Variants in TMEM181 observed in about 807,000 individuals in gnomAD.
The protein encoded by TMEM181 is G protein-coupled receptor 178.
A neutral mutation model predicts 71.9 loss-of-function variants in TMEM181; 39 were observed. That is an observed-to-expected ratio of 0.54 (90% CI 0.42 to 0.71). The LOEUF (loss-of-function observed/expected upper bound fraction) is 0.71, where lower values mean the gene tolerates loss of function less well. TMEM181 is among the 30% of genes least tolerant of loss of function. TMEM181 has a pLI of 0.00. For synonymous variants in TMEM181, 245 were observed against 228.8 expected, an observed-to-expected ratio of 1.07 and a Z score of -0.64; for missense variants, 595 against 583.0, an observed-to-expected ratio of 1.02 and a Z score of -0.21.
intron 6 of TMEM181, among the ~76,000 whole-genome samples, chr6:158,595,072 C>T (rs1047291406): frequency 6.6e-6 from 1 of 152,164 alleles, no homozygotes; most frequent in Non-Finnish European, 1.5e-5. Flanking sequence ...GAGTGAAAGC[C>T]ATGGGATGCA....
At chr6:158,626,948 TCACCCTCACTCA>T (rs1335701754) in intron 13 of TMEM181, among the ~76,000 whole-genome samples, 11 of 111,514 alleles carry the variant, frequency 9.9e-5, no homozygotes, top group African/African-American at 1.5e-4. Context: ...ACCCTCACCC[TCACCCTCACTCA>T]CACCCTCTCA....
intron 10 of TMEM181, among the ~76,000 whole-genome samples, chr6:158,622,977 G>A (rs1786050758): frequency 6.6e-6 from 1 of 152,196 alleles, no homozygotes; most frequent in Non-Finnish European, 1.5e-5. Flanking sequence ...GAAGCCTAGT[G>A]TGGTAGCAGC....
chr6:158,576,006 G>T (rs1237745376), intron 2 of TMEM181, among the ~76,000 whole-genome samples: 1 of 152,200 alleles, frequency 6.6e-6, no homozygotes, highest in Non-Finnish European at 1.5e-5. Context: ...CTAAAGAAAT[G>T]CATTGTAAGA....
chr6:158,548,842 G>A (rs1252693812), intron 1 of TMEM181, among the ~76,000 whole-genome samples: 1 of 152,186 alleles, frequency 6.6e-6, no homozygotes, highest in Non-Finnish European at 1.5e-5. Flanking sequence ...AATAAAATAC[G>A]TGTTTCGGTT....
chr6:158,616,110 C>A lies in TMEM181; in HGVS notation c.896+7360C>A, dbSNP rs948523479. On this transcript the variant is annotated intron_variant, in intron 10 of 16. Coordinates refer to ENST00000684151, the MANE Select transcript of TMEM181 (RefSeq NM_001376852.1). ...TTTTCACGATATTGATTCTTCCTATCCATGAGCATGGAATGTTCTTCCATT... is the reference window on the plus strand; with the variant it reads ...TTTTCACGATATTGATTCTTCCTATACATGAGCATGGAATGTTCTTCCATT... Among the ~76,000 whole-genome samples, 77 of 152,262 alleles carry A rather than the reference C, an allele frequency of 5.1e-4. 1 individual carries two copies. Among genetic ancestry groups the A allele is most frequent in the African/African-American group, 1.6e-3 (67 of 41,550 alleles).
intron 1 of TMEM181, among the ~76,000 whole-genome samples, chr6:158,568,228 C>T (rs1035979798): frequency 4.6e-5 from 7 of 151,990 alleles, no homozygotes; most frequent in Non-Finnish European, 1.0e-4. Context: ...GCAGTGGAAG[C>T]GGGCTTTTCA....
At chr6:158,564,014 G>A (rs1303404692) in intron 1 of TMEM181, among the ~76,000 whole-genome samples, 1 of 152,180 alleles carries the variant, frequency 6.6e-6, no homozygotes, top group Non-Finnish European at 1.5e-5. Flanking sequence ...CTGACCTCAG[G>A]TGATGCACCT....
chr6:158,622,938 C>T (rs1786048318), intron 10 of TMEM181, among the ~76,000 whole-genome samples: 1 of 152,170 alleles, frequency 6.6e-6, no homozygotes, highest in African/African-American at 2.4e-5. Flanking sequence ...TTTATGAGTG[C>T]TTTTGTCCTG....
intron 2 of TMEM181, among the ~76,000 whole-genome samples, chr6:158,574,085 C>T (rs56158368): frequency 0.39 from 59,781 of 151,786 alleles, 12,130 homozygotes; most frequent in Middle Eastern, 0.52. Context: ...GGCAGGCAAC[C>T]AGGAGCCTGA....
At chr6:158,545,111 T>C (rs1781484500) in intron 1 of TMEM181, among the ~76,000 whole-genome samples, 1 of 152,232 alleles carries the variant, frequency 6.6e-6, no homozygotes, top group Non-Finnish European at 1.5e-5. Flanking sequence ...CCCCTGCGGC[T>C]TGCTCAGCCG....
At chr6:158,542,067 G>A (rs891388800) in intron 1 of TMEM181, among the ~76,000 whole-genome samples, 7 of 151,886 alleles carry the variant, frequency 4.6e-5, no homozygotes, top group South Asian at 2.1e-4. Context: ...CACTATGCGT[G>A]GCTAATTTTT....
In TMEM181 at chr6:158,607,117, C is replaced by T. The variant is rs559569090; in HGVS notation, c.574-127C>T. Reference sequence around the variant, plus strand: ...GCAATTCAGCCAGGGCTTAAGGCAGCGACTCTTAGTGGGGCACCTAGACCA... The same window carrying T: ...GCAATTCAGCCAGGGCTTAAGGCAGTGACTCTTAGTGGGGCACCTAGACCA... On this transcript the variant is annotated intron_variant, in intron 7 of 16. Transcript: ENST00000684151. 60 of 726,432 alleles carry T rather than the reference C, an allele frequency of 8.3e-5. No individual in the cohort carries two copies. In the East Asian group the frequency reaches 1.4e-3, roughly 17 times the overall value. The allele number at this position is 726,432 out of a possible 1,614,324, so 45.0% of individuals were successfully genotyped here. A position where few individuals can be genotyped will look rare whatever the true frequency, so the allele number is the denominator to read the frequency against.
chr6:158,559,260 G>A (rs1240938940), upstream of TMEM181, among the ~76,000 whole-genome samples: 2 of 152,118 alleles, frequency 1.3e-5, no homozygotes, highest in African/African-American at 4.8e-5. Flanking sequence ...CTTACTGTTG[G>A]TAATTTTCTT....
intron 1 of TMEM181, among the ~76,000 whole-genome samples, chr6:158,539,063 A>G (rs1562609304): frequency 6.6e-6 from 1 of 152,276 alleles, no homozygotes; most frequent in East Asian, 1.9e-4. Flanking sequence ...GACATCAGCA[A>G]TTTGGCTGCC....
At chr6:158,624,873 T>G (rs1266771750) in intron 11 of TMEM181, among the ~76,000 whole-genome samples, 1 of 152,168 alleles carries the variant, frequency 6.6e-6, no homozygotes, top group African/African-American at 2.4e-5. Context: ...TGGGCTCTGC[T>G]CCGCTGATTT....
chr6:158,538,578 C>G (rs1433589217), intron 1 of TMEM181, among the ~76,000 whole-genome samples: 1 of 152,106 alleles, frequency 6.6e-6, no homozygotes, highest in Non-Finnish European at 1.5e-5. Flanking sequence ...TAATCTCCAT[C>G]TTTATTCACT....
intron 4 of TMEM181, 40 bp downstream of exon 4, chr6:158,584,084 G>A (rs200019046): frequency 3.6e-4 from 540 of 1,517,858 alleles, no homozygotes; most frequent in Non-Finnish European, 4.6e-4. Context: ...TTCATTATAC[G>A]AAGAAACATC....
intron 1 of TMEM181, among the ~76,000 whole-genome samples, chr6:158,543,429 C>T (rs757409089): frequency 2.6e-5 from 4 of 152,168 alleles, no homozygotes; most frequent in African/African-American, 7.2e-5. Context: ...GCTCTGGAGC[C>T]GCCTTCTAGG....
intron 5 of TMEM181, among the ~76,000 whole-genome samples, chr6:158,586,952 G>T (rs975245616): frequency 6.6e-6 from 1 of 152,138 alleles, no homozygotes; most frequent in Non-Finnish European, 1.5e-5. Context: ...ACTGCTGAAG[G>T]GATAACAGGT....
Sources: gnomAD v4.1 joint callset for allele counts (sites outside exome capture counted in the v4.1 genomes callset) on GRCh38, gnomAD v4.1.1 for gene constraint, MANE v1.5 for transcripts, NCBI Gene and HGNC (gene_info 2026-07-23, HGNC 2026-07-21) for gene names.